WWOX: variants seen among roughly 807,000 people sequenced by gnomAD.
WWOX encodes WW domain containing oxidoreductase.
WWOX carries 69 observed loss-of-function variants against 46.2 expected under a neutral mutation model. The observed-to-expected ratio is 1.49, with a 90% CI of 1.23 to 1.82. The LOEUF (loss-of-function observed/expected upper bound fraction) is 1.82, where lower values mean the gene tolerates loss of function less well. WWOX is among the 40% of genes most tolerant of loss of function. The pLI is 0.00. For synonymous variants in WWOX, 359 were observed against 202.6 expected (o/e 1.77, Z -6.56); for missense variants, 919 against 542.6 (o/e 1.69, Z -6.89).
At chr16:78,528,963 T>TC (rs1164536870) in intron 8 of WWOX, among the ~76,000 whole-genome samples, 3 of 137,502 alleles carry the variant, frequency 2.2e-5, no homozygotes, top group Admixed American at 7.4e-5. Context: ...TTTCTTTCTT[T>TC]TTTTTTTTTA....
intron 8 of WWOX, among the ~76,000 whole-genome samples, chr16:78,664,600 C>T (rs565818839): frequency 6.6e-6 from 1 of 152,240 alleles, no homozygotes; most frequent in East Asian, 1.9e-4. Flanking sequence ...AACTCTGTGT[C>T]CAGATGTTTT....
intron 6 of WWOX, among the ~76,000 whole-genome samples, chr16:78,413,732 C>G (rs541274362): frequency 6.6e-6 from 1 of 151,794 alleles, no homozygotes; most frequent in African/African-American, 2.4e-5. Flanking sequence ...GATGAAATCA[C>G]AGGGAATCAA....
intron 8 of WWOX, among the ~76,000 whole-genome samples, chr16:78,847,005 A>G (rs2052315291): frequency 6.6e-6 from 1 of 152,232 alleles, no homozygotes; most frequent in Non-Finnish European, 1.5e-5. Flanking sequence ...TTTGGCCCAT[A>G]GGAGGTCTTT....
chr16:78,807,692 CAGAA>C (rs1347401450), intron 8 of WWOX, among the ~76,000 whole-genome samples: 1 of 152,184 alleles, frequency 6.6e-6, no homozygotes, highest in Non-Finnish European at 1.5e-5. Flanking sequence ...AGCTGATTCT[CAGAA>C]AGAAGAAACA....
intron 8 of WWOX, among the ~76,000 whole-genome samples, chr16:79,208,696 G>C (rs960248850): frequency 6.6e-6 from 1 of 151,586 alleles, no homozygotes; most frequent in Non-Finnish European, 1.5e-5. Flanking sequence ...GTTTACTATT[G>C]AGATTTCACT....
chr16:78,588,500 C>G (rs988909714), intron 8 of WWOX, among the ~76,000 whole-genome samples: 2 of 152,070 alleles, frequency 1.3e-5, no homozygotes, highest in Non-Finnish European at 2.9e-5. Flanking sequence ...GTAGTGGCCT[C>G]ACAAGTTTCT....
chr16:78,832,572 A>G (rs979400004), intron 8 of WWOX, among the ~76,000 whole-genome samples: 1 of 152,104 alleles, frequency 6.6e-6, no homozygotes, highest in African/African-American at 2.4e-5. Flanking sequence ...TGCTCGCTTC[A>G]CTGGTTCGGC....
intron 5 of WWOX, among the ~76,000 whole-genome samples, chr16:78,274,785 G>A (rs1258492137): frequency 6.6e-6 from 1 of 152,164 alleles, no homozygotes; most frequent in Non-Finnish European, 1.5e-5. Flanking sequence ...CCCCATCGTG[G>A]TATTCCCTTT....
intron 5 of WWOX, among the ~76,000 whole-genome samples, chr16:78,335,655 G>T (rs903976514): frequency 6.6e-6 from 1 of 152,168 alleles, no homozygotes; most frequent in African/African-American, 2.4e-5. Context: ...CATGTATGTT[G>T]ACTGCAGCAG....
intron 8 of WWOX, among the ~76,000 whole-genome samples, chr16:78,685,383 T>A (rs1046448841): frequency 6.6e-6 from 1 of 152,154 alleles, no homozygotes; most frequent in Non-Finnish European, 1.5e-5. Context: ...TCTGACACAA[T>A]AAGGCCATAA....
At chr16:78,956,655 C>G (rs997968677) in intron 8 of WWOX, among the ~76,000 whole-genome samples, 2 of 152,042 alleles carry the variant, frequency 1.3e-5, no homozygotes, top group African/African-American at 2.4e-5. Flanking sequence ...TTTCATTGCC[C>G]TAAAATACCT....
At chr16:78,819,901 C>A (rs1597666586) in intron 8 of WWOX, among the ~76,000 whole-genome samples, 1 of 152,186 alleles carries the variant, frequency 6.6e-6, no homozygotes, top group Non-Finnish European at 1.5e-5. Context: ...GAGTCTCCTC[C>A]TTCCTAGATG....
In WWOX at chr16:79,076,056, T is replaced by C. The variant is rs116566774; in HGVS notation, c.1057-135552T>C. ...GTAGAACCATTTTCTTGAAAATGTTTCTTAGAAATTTGTTACTTAGAAGAT... is the reference window on the plus strand; with the variant it reads ...GTAGAACCATTTTCTTGAAAATGTTCCTTAGAAATTTGTTACTTAGAAGAT... On this transcript the variant is annotated intron_variant, in intron 8 of 8. Coordinates refer to ENST00000566780, the MANE Select transcript of WWOX (RefSeq NM_016373.4). Among the ~76,000 whole-genome samples the C allele has an allele frequency of 1.1e-3, 175 of 152,328 alleles. 2 individuals carry two copies. Among genetic ancestry groups the C allele is most frequent in the African/African-American group, 4.1e-3 (170 of 41,580 alleles).
At chr16:78,701,095 G>A (rs147704813) in intron 8 of WWOX, among the ~76,000 whole-genome samples, 24 of 152,236 alleles carry the variant, frequency 1.6e-4, no homozygotes, top group African/African-American at 5.8e-4. Context: ...CTCTTTAAAG[G>A]TGGGCTAGTG....
intron 8 of WWOX, among the ~76,000 whole-genome samples, chr16:78,471,196 C>G (rs1334781745): frequency 6.6e-6 from 1 of 152,176 alleles, no homozygotes; most frequent in East Asian, 1.9e-4. Flanking sequence ...TTGGCAACTA[C>G]AAGACAATCA....
At chr16:78,670,147 C>T (rs1220510980) in intron 8 of WWOX, among the ~76,000 whole-genome samples, 1 of 152,126 alleles carries the variant, frequency 6.6e-6, no homozygotes, top group Admixed American at 6.5e-5. Context: ...GCCAGCTGAG[C>T]TCTTATTCAC....
rs552604394 is a variant in WWOX at position 79,104,549 on chromosome 16, A to T, written c.1057-107059A>T. The stretch of plus-strand genomic sequence containing the variant: ...AAATATTAGTTGACAACTTGACATC[A>T]AATTATGTACGGTTAAGTATTGATA... On this transcript the variant is annotated intron_variant, in intron 8 of 8. Coordinates refer to ENST00000566780, the MANE Select transcript of WWOX (RefSeq NM_016373.4). Among the ~76,000 whole-genome samples, 7 of 152,354 alleles carry T rather than the reference A, an allele frequency of 4.6e-5. No homozygotes were observed. In the East Asian group the frequency reaches 1.4e-3, roughly 29 times the overall value.
chr16:78,913,192 T>C (rs56371929), intron 8 of WWOX, among the ~76,000 whole-genome samples: 21,820 of 151,884 alleles, frequency 0.14, 1,834 homozygotes, highest in South Asian at 0.21. Flanking sequence ...ATCCGAGACC[T>C]CATCCTTGCA....
intron 5 of WWOX, among the ~76,000 whole-genome samples, chr16:78,218,510 A>C (rs901944850): frequency 2.0e-5 from 3 of 152,230 alleles, no homozygotes; most frequent in East Asian, 3.9e-4. Context: ...TGATTTGACT[A>C]TATGAGGTCA....
Sources: allele counts gnomAD v4.1 joint callset (sites outside exome capture counted in the v4.1 genomes callset), GRCh38; gene constraint gnomAD v4.1.1; transcripts MANE v1.5; gene names NCBI Gene and HGNC (gene_info 2026-07-23, HGNC 2026-07-21).